Variants in ZNF430 observed in about 807,000 individuals in gnomAD.
ZNF430 encodes the protein zinc finger protein 430.
Under a neutral mutation model 56.7 loss-of-function variants are expected in ZNF430, and 35 were observed. The observed-to-expected ratio is 0.62, with a 90% confidence interval of 0.47 to 0.82. ZNF430 has a LOEUF of 0.82. ZNF430 is among the 40% of genes least tolerant of loss of function. The pLI is 0.00. For synonymous variants in ZNF430, 212 were observed against 224.3 expected (o/e 0.94, Z 0.49); for missense variants, 574 against 661.0 (o/e 0.87, Z 1.44).
chr19:21,031,064 A>C (rs988122000), intron 2 of ZNF430, among the ~76,000 whole-genome samples: 1 of 151,990 alleles, frequency 6.6e-6, no homozygotes, highest in Non-Finnish European at 1.5e-5. Context: ...TTGTGTTTTT[A>C]GTAGAGATGA....
Position 21,034,191 on chromosome 19 carries a change from G to A in ZNF430, c.322+7G>A, listed in dbSNP as rs1967953050. On this transcript the variant is annotated splice_region_variant and intron_variant, in intron 4 of 4. Transcript: ENST00000261560. ...ATGGTAGATCAACCCCCAGGTAGGT[G>A]AGAGTGAACACAACAGACGACATGA... 6.3e-7 allele frequency: 1 copy of A among 1,577,020 alleles called. No homozygotes were observed. The highest frequency in any genetic ancestry group is 8.7e-7 in the Non-Finnish European group (1 of 1,155,726).
At chr19:21,021,355 C>T (rs1484336786) in intron 1 of ZNF430, among the ~76,000 whole-genome samples, 1 of 151,888 alleles carries the variant, frequency 6.6e-6, no homozygotes, top group Non-Finnish European at 1.5e-5. Flanking sequence ...AAAAATTTGC[C>T]GGGCATGGTG....
Position 21,059,617 on chromosome 19 carries a change from G to A in ZNF430, c.*1596G>A, listed in dbSNP as rs947296640. 6.6e-6 allele frequency: 1 copy of A among 151,474 alleles called. No homozygotes were observed. The highest frequency in any genetic ancestry group is 2.4e-5 in the African/African-American group (1 of 41,234). 9.4% of individuals were successfully genotyped at this position (151,474 alleles called of 1,614,324 possible). ...ATATAACTTTAAAAGGAGTAGAAGG[G>A]CTTTTTGCAGAGTTATTACGTTTGA... On this transcript the variant is annotated 3_prime_UTR_variant, in exon 5 of 5. Transcript: ENST00000261560.
Position 21,056,724 on chromosome 19 carries a change from G to A in ZNF430, c.416G>A (p.Gly139Glu). The A allele has an allele frequency of 6.2e-7, 1 of 1,610,528 alleles. No homozygotes were observed. Residue 139 changes from glycine to glutamate, a missense_variant, in exon 5 of 5, where the codon GGA becomes GAA. Coordinates refer to ENST00000261560, the MANE Select transcript of ZNF430 (RefSeq NM_025189.4). ...EVILRRYGKCGHEDLQLRTGC... is the reference protein window; with the variant it reads ...EVILRRYGKCEHEDLQLRTGC... ...ATATTGAGAAGATATGGAAAATGTG[G>A]ACATGAAGATTTACAGTTAAGAACA...
chr19:21,033,125 C>T (rs988812901), intron 2 of ZNF430, among the ~76,000 whole-genome samples: 5 of 151,932 alleles, frequency 3.3e-5, no homozygotes, highest in African/African-American at 9.7e-5. Flanking sequence ...GAGGCCAAGG[C>T]GGGTGGCTCA....
At chr19:21,030,288 A>G (rs1967876631) in intron 2 of ZNF430, among the ~76,000 whole-genome samples, 2 of 151,874 alleles carry the variant, frequency 1.3e-5, no homozygotes, top group Admixed American at 1.3e-4. Context: ...TACCTTTAAA[A>G]CAAAATCAAT....
At chr19:21,041,632 A>C (rs1968104164) in intron 4 of ZNF430, among the ~76,000 whole-genome samples, 1 of 152,108 alleles carries the variant, frequency 6.6e-6, no homozygotes, top group Non-Finnish European at 1.5e-5. Flanking sequence ...CCCTGCATGC[A>C]TTAGCTGTTT....
chr19:21,040,729 G>A (rs1434526432), intron 4 of ZNF430, among the ~76,000 whole-genome samples: 1 of 151,894 alleles, frequency 6.6e-6, no homozygotes, highest in East Asian at 1.9e-4. Context: ...ATTTATTATT[G>A]CAAATGGGAT....
At chr19:21,036,574 CAGGATT>C (rs1968003701) in intron 4 of ZNF430, 1 of 151,798 alleles carries the variant, frequency 6.6e-6, no homozygotes, top group African/African-American at 2.4e-5. Context: ...ATCTGTAATC[CAGGATT>C]ATTTGAGCTC....
intron 4 of ZNF430, among the ~76,000 whole-genome samples, chr19:21,039,973 A>G (rs938601277): frequency 2.0e-5 from 3 of 152,062 alleles, no homozygotes; most frequent in East Asian, 1.9e-4. Context: ...AGTAGCTGAG[A>G]CTACAGACAT....
chr19:21,023,940 G>A (rs1381609347), intron 2 of ZNF430, among the ~76,000 whole-genome samples: 1 of 151,984 alleles, frequency 6.6e-6, no homozygotes, highest in Non-Finnish European at 1.5e-5. Context: ...TTTTTATTGA[G>A]GTATAAATTG....
In ZNF430 at chr19:21,057,711, G is replaced by A. The variant is rs201491336; in HGVS notation, c.1403G>A (p.Arg468Gln). Residue 468 changes from arginine (R) to glutamine (Q), a missense_variant, in exon 5 of 5, where the codon CGG becomes CAG. Arg to Gln is a conservative substitution (Grantham distance 43, BLOSUM62 1). Coordinates refer to ENST00000261560, the MANE Select transcript of ZNF430 (RefSeq NM_025189.4). ...GAAGAATGTGGCAAAGCCTTTAACCGGTCCCCAAAACTTACTGCACATAAG... is the reference window on the plus strand; with the variant it reads ...GAAGAATGTGGCAAAGCCTTTAACCAGTCCCCAAAACTTACTGCACATAAG... ...KCEECGKAFN[R>Q]SPKLTAHKVI... 1.2e-4 allele frequency: 184 copies of A among 1,588,000 alleles called. No homozygotes were observed. The highest frequency in any genetic ancestry group is 2.3e-4 in the Admixed American group (13 of 57,124).
intron 1 of ZNF430, 80 bp downstream of exon 1, chr19:21,020,883 G>A: frequency 6.3e-7 from 1 of 1,584,884 alleles, no homozygotes; most frequent in Non-Finnish European, 8.7e-7. Flanking sequence ...GCGGGACTCA[G>A]GCCTCCCGGC....
At chr19:21,024,073 G>T (rs1967747379) in intron 2 of ZNF430, among the ~76,000 whole-genome samples, 1 of 152,158 alleles carries the variant, frequency 6.6e-6, no homozygotes, top group African/African-American at 2.4e-5. Context: ...CTTGAGCCCA[G>T]TGACTCAGAG....
At chr19:21,049,617 TAACATTTCTTGTTACATTTCGTGC>T (rs1464291027) in intron 4 of ZNF430, 17 of 127,578 alleles carry the variant, frequency 1.3e-4, no homozygotes, top group African/African-American at 5.2e-4. Flanking sequence ...GGCCACCATG[TAACATTTCTTGTTACATTTCGTGC>T]AACATTTCTT....
Position 21,059,227 on chromosome 19 carries a change from C to G in ZNF430, c.*1206C>G, listed in dbSNP as rs1213881404. The G allele has an allele frequency of 3.3e-5, 5 of 151,950 alleles. No individual in the cohort carries two copies. The highest frequency in any genetic ancestry group is 2.0e-4 in the Admixed American group (3 of 15,232). 9.4% of individuals were successfully genotyped at this position (151,950 alleles called of 1,614,324 possible). On this transcript the variant is annotated 3_prime_UTR_variant, in exon 5 of 5. Coordinates refer to ENST00000261560, the MANE Select transcript of ZNF430 (RefSeq NM_025189.4). ...TGAGACTTCAGATATTATACTAAAT[C>G]AGAGTGCTGAGTATAGAAAATAAAA...
intron 2 of ZNF430, among the ~76,000 whole-genome samples, chr19:21,031,417 G>C (rs796071092): frequency 3.3e-5 from 5 of 152,098 alleles, no homozygotes; most frequent in African/African-American, 9.7e-5. Flanking sequence ...TTTGGGTTTG[G>C]TAGGGACAGG....
At chr19:21,030,869 GT>G (rs67008161) in intron 2 of ZNF430, among the ~76,000 whole-genome samples, 124,686 of 151,598 alleles carry the variant, frequency 0.82, 52,902 homozygotes, top group Middle Eastern at 0.93. Flanking sequence ...GCCCCGTCTT[GT>G]TTTTTTTGTT....
intron 4 of ZNF430, among the ~76,000 whole-genome samples, chr19:21,038,431 TTTA>T (rs1339818697): frequency 6.6e-6 from 1 of 152,104 alleles, no homozygotes; most frequent in Admixed American, 6.6e-5. Context: ...CTTCTAATTT[TTTA>T]TTATTATTTT....
Sources: allele counts gnomAD v4.1 joint callset (sites outside exome capture counted in the v4.1 genomes callset), GRCh38; gene constraint gnomAD v4.1.1; transcripts MANE v1.5; gene names NCBI Gene and HGNC (gene_info 2026-07-23, HGNC 2026-07-21).